Variants in PRKG1 observed in about 807,000 individuals in gnomAD.
PRKG1 encodes protein kinase cGMP-dependent 1, also known as cGMP-dependent protein kinase 1.
Under a neutral mutation model 88.1 loss-of-function variants are expected in PRKG1, and 35 were observed. That is an observed-to-expected ratio of 0.40 (90% CI 0.30 to 0.53). PRKG1 has a LOEUF of 0.53. PRKG1 is among the 20% of genes least tolerant of loss of function. The pLI, the probability that PRKG1 is intolerant of heterozygous loss-of-function variation, is 0.59. For synonymous variants in PRKG1, 303 were observed against 292.5 expected (o/e 1.04, Z -0.37); for missense variants, 540 against 839.8 (o/e 0.64, Z 4.41).
intron 8 of PRKG1, among the ~76,000 whole-genome samples, chr10:52,149,608 A>T (rs1455223248): frequency 1.3e-5 from 2 of 151,940 alleles, no homozygotes; most frequent in East Asian, 3.9e-4. Context: ...GGATGCCGTG[A>T]GTAGGGGCCT....
At chr10:51,617,683 C>A (rs953890264) in intron 3 of PRKG1, among the ~76,000 whole-genome samples, 3 of 152,184 alleles carry the variant, frequency 2.0e-5, no homozygotes, top group African/African-American at 7.2e-5. Flanking sequence ...ATAGGCTATA[C>A]CATCTGTGTG....
chr10:51,225,910 A>G (rs946283941), intron 2 of PRKG1, among the ~76,000 whole-genome samples: 13 of 152,180 alleles, frequency 8.5e-5, no homozygotes, highest in African/African-American at 3.1e-4. Context: ...TAAGTAATCA[A>G]AATTGATTCT....
intron 2 of PRKG1, among the ~76,000 whole-genome samples, chr10:51,214,166 T>G (rs1589250349): frequency 6.6e-6 from 1 of 152,162 alleles, no homozygotes; most frequent in East Asian, 1.9e-4. Context: ...AGATATACAA[T>G]AGGTGATATT....
intron 2 of PRKG1, among the ~76,000 whole-genome samples, chr10:51,376,957 G>A (rs1383152743): frequency 2.0e-5 from 3 of 152,072 alleles, no homozygotes; most frequent in Non-Finnish European, 2.9e-5. Context: ...GAGTACAGTC[G>A]TGAGCCACTG....
At chr10:52,109,200 T>C (rs945746475) in intron 7 of PRKG1, among the ~76,000 whole-genome samples, 17 of 152,288 alleles carry the variant, frequency 1.1e-4, no homozygotes, top group African/African-American at 4.1e-4. Flanking sequence ...TGGCTAGGAA[T>C]ATAACCAAGA....
At chr10:52,142,068 C>T (rs1321401164) in intron 8 of PRKG1, among the ~76,000 whole-genome samples, 2 of 152,092 alleles carry the variant, frequency 1.3e-5, no homozygotes, top group Non-Finnish European at 2.9e-5. Flanking sequence ...CACATTCTTA[C>T]ACTATAATGC....
At chr10:51,214,902 A>T (rs1838331331) in intron 2 of PRKG1, among the ~76,000 whole-genome samples, 1 of 152,070 alleles carries the variant, frequency 6.6e-6, no homozygotes, top group South Asian at 2.1e-4. Flanking sequence ...CCCACAGAAG[A>T]CTCACTCTTG....
intron 2 of PRKG1, among the ~76,000 whole-genome samples, chr10:51,242,850 AAGAC>A (rs1282776955): frequency 1.3e-5 from 2 of 152,190 alleles, no homozygotes; most frequent in African/African-American, 2.4e-5. Context: ...AGTGAACACT[AAGAC>A]AGGTTGCAGG....
intron 2 of PRKG1, among the ~76,000 whole-genome samples, chr10:51,265,839 G>A (rs1199849826): frequency 6.6e-6 from 1 of 152,142 alleles, no homozygotes; most frequent in Non-Finnish European, 1.5e-5. Flanking sequence ...TGGAGATAGG[G>A]AGGAAAGGGC....
At chr10:51,477,819 G>T (rs781489675) in intron 3 of PRKG1, among the ~76,000 whole-genome samples, 2 of 152,132 alleles carry the variant, frequency 1.3e-5, no homozygotes, top group South Asian at 4.1e-4. Flanking sequence ...CCACGATCCA[G>T]AGACTGGAGG....
intron 1 of PRKG1, among the ~76,000 whole-genome samples, chr10:51,145,779 C>T (rs1845932175): frequency 6.6e-6 from 1 of 152,126 alleles, no homozygotes; most frequent in Non-Finnish European, 1.5e-5. Flanking sequence ...ATTTCAAGAG[C>T]TACTTAGCAT....
At chr10:52,023,279 T>G (rs1589527904) in intron 5 of PRKG1, among the ~76,000 whole-genome samples, 1 of 152,224 alleles carries the variant, frequency 6.6e-6, no homozygotes, top group South Asian at 2.1e-4. Flanking sequence ...TATTCCATGG[T>G]GTAAATGTGC....
At chr10:52,276,889 G>C (rs1841885653) in intron 12 of PRKG1, among the ~76,000 whole-genome samples, 1 of 152,172 alleles carries the variant, frequency 6.6e-6, no homozygotes, top group Non-Finnish European at 1.5e-5. Context: ...CACATGTTTA[G>C]TGATGGGACA....
intron 3 of PRKG1, among the ~76,000 whole-genome samples, chr10:51,503,108 A>T (rs1055299098): frequency 6.6e-6 from 1 of 152,148 alleles, no homozygotes; most frequent in East Asian, 1.9e-4. Context: ...AGGAGGAGGG[A>T]AAGTGCGCAT....
chr10:52,203,513 A>G (rs1040858166), intron 9 of PRKG1, among the ~76,000 whole-genome samples: 1 of 152,132 alleles, frequency 6.6e-6, no homozygotes, highest in Admixed American at 6.5e-5. Context: ...GAAGTGTTCT[A>G]TAGGTAGATG....
intron 3 of PRKG1, among the ~76,000 whole-genome samples, chr10:51,490,947 T>C (rs769190236): frequency 6.6e-6 from 1 of 151,974 alleles, no homozygotes; most frequent in Non-Finnish European, 1.5e-5. Flanking sequence ...ACACTTGAAA[T>C]GGAAGAAAGG....
chr10:52,151,564 G>A (rs752571378), intron 8 of PRKG1, among the ~76,000 whole-genome samples: 2 of 152,168 alleles, frequency 1.3e-5, no homozygotes, highest in Admixed American at 6.5e-5. Context: ...GTGATAGGAA[G>A]AGTAATGTGT....
chr10:51,454,163 T>C (rs372095027), intron 2 of PRKG1, among the ~76,000 whole-genome samples: 60 of 152,100 alleles, frequency 3.9e-4, no homozygotes, highest in East Asian at 2.1e-3. Context: ...AAAATGACCA[T>C]ACTGCCAAAA....
At chr10:52,000,821 T>G (rs1338579282) in intron 5 of PRKG1, among the ~76,000 whole-genome samples, 1 of 152,062 alleles carries the variant, frequency 6.6e-6, no homozygotes, top group African/African-American at 2.4e-5. Flanking sequence ...ATGAAATTTG[T>G]CTTCCAGCTA....
Sources: allele counts gnomAD v4.1 joint callset (sites outside exome capture counted in the v4.1 genomes callset), GRCh38; gene constraint gnomAD v4.1.1; transcripts MANE v1.5; gene names NCBI Gene and HGNC (gene_info 2026-07-23, HGNC 2026-07-21).